Variants in LSS observed in about 807,000 individuals in gnomAD.
LSS encodes the protein lanosterol synthase.
Under a neutral mutation model 110.3 loss-of-function variants are expected in LSS, and 90 were observed. The observed-to-expected ratio is 0.82, with a 90% confidence interval of 0.69 to 0.97. The LOEUF is 0.97. Ranked by LOEUF, LSS falls within the 50% of genes least tolerant of loss-of-function variation. The probability of loss-of-function intolerance (pLI) is 0.00; values close to 1 mark genes in which losing one functional copy is unlikely to be tolerated. For missense variants in LSS, 927 were observed against 990.0 expected, an observed-to-expected ratio of 0.94 and a Z score of 0.85; for synonymous variants, 433 against 400.0, an observed-to-expected ratio of 1.08 and a Z score of -0.98.
At chr21:46,206,570 CT>C (rs939250157) in intron 16 of LSS, 101 bp downstream of exon 16, 72 of 1,001,396 alleles carry the variant, frequency 7.2e-5, no homozygotes, top group Non-Finnish European at 1.1e-4. Flanking sequence ...AACCTGGGCC[CT>C]TGCAGCCTCG....
In LSS at chr21:46,209,301, T is replaced by C. The variant is rs924330675; in HGVS notation, c.1266+253A>G. Among the ~76,000 whole-genome samples the C allele has an allele frequency of 6.6e-6, 1 of 151,776 alleles. No homozygotes were observed. Among genetic ancestry groups the C allele is most frequent in the East Asian group, 1.9e-4 (1 of 5,138 alleles). On this transcript the variant is annotated intron_variant, in intron 13 of 21. Coordinates refer to ENST00000397728, the MANE Select transcript of LSS (RefSeq NM_002340.6). This position sits in a 1 kb window ranked among gnomAD's most constrained non-coding sequence, Gnocchi z 4.4. Reference sequence around the variant, plus strand: ...GCCCTTGCACACAGTGGCTCCAACATGAGCAGGACGCAGAAACTGCCAGCA... The same window carrying C: ...GCCCTTGCACACAGTGGCTCCAACACGAGCAGGACGCAGAAACTGCCAGCA...
rs2079770637 is a variant in LSS at position 46,189,280 on chromosome 21, C to T, written c.*1824G>A. The T allele has an allele frequency of 4.3e-6, 1 of 230,958 alleles. No individual in the cohort carries two copies. The highest frequency in any genetic ancestry group is 2.3e-5 in the African/African-American group (1 of 43,258). The allele number at this position is 230,958 out of a possible 1,614,324, so 14.3% of individuals were successfully genotyped here. On this transcript the variant is annotated 3_prime_UTR_variant, in exon 22 of 22. Coordinates refer to ENST00000397728, the MANE Select transcript of LSS (RefSeq NM_002340.6). ...CTAGGAGTCCCAGGGACAGCAGCCT[C>T]TGCTCAGGGCAGACTCTGTGATTCA... is the stretch of plus-strand genomic sequence containing the variant.
chr21:46,222,239 C>A, intron 4 of LSS: 2 of 547,152 alleles, frequency 3.7e-6, no homozygotes, highest in Non-Finnish European at 3.3e-6. Context: ...ACTTCTAGCT[C>A]AAGGGCGGTC....
chr21:46,208,969 A>T (rs1201360894), intron 13 of LSS, among the ~76,000 whole-genome samples: 2 of 152,172 alleles, frequency 1.3e-5, no homozygotes, highest in Non-Finnish European at 2.9e-5. Flanking sequence ...AGGCAGAGGG[A>T]CACTGGCTGA....
At chr21:46,212,337 A>G (rs535026746) in intron 11 of LSS, among the ~76,000 whole-genome samples, 1 of 152,290 alleles carries the variant, frequency 6.6e-6, no homozygotes, top group African/African-American at 2.4e-5. Flanking sequence ...ACACTGAATC[A>G]GGTGGGGGAC....
chr21:46,206,638 G>A (rs770108204), intron 16 of LSS, 34 bp downstream of exon 16: 1 of 1,573,678 alleles, frequency 6.4e-7, no homozygotes, highest in Non-Finnish European at 8.7e-7. Flanking sequence ...GCCAGCCCCG[G>A]GTTTGCGCGC....
chr21:46,206,066 A>AC (rs2080045298), intron 16 of LSS, 125 bp from the exon 17 acceptor site: 1 of 675,086 alleles, frequency 1.5e-6, no homozygotes, highest in African/African-American at 1.8e-5. Context: ...TGCCTCCCTG[A>AC]CCAACCTCCA....
In LSS at chr21:46,209,470, G is replaced by T; in HGVS notation, c.1266+84C>A. On this transcript the variant is annotated intron_variant, in intron 13 of 21. Transcript: ENST00000397728. The surrounding 1 kb of genome is among the most constrained non-coding windows in gnomAD (Gnocchi z 4.4). The stretch of plus-strand genomic sequence containing the variant: ...GTGCAGGAAATAGGGCAGGGTGGAG[G>T]TGAGGTGGGCACTTCTGCCTGCAGG... 1 of 1,248,604 alleles carries T rather than the reference G, an allele frequency of 8.0e-7. No individual in the cohort carries two copies. Among genetic ancestry groups the T allele is most frequent in the Non-Finnish European group, 1.1e-6 (1 of 890,326 alleles). 77.3% of individuals were successfully genotyped at this position (1,248,604 alleles called of 1,614,324 possible).
Position 46,216,456 on chromosome 21 carries a change from G to C in LSS, c.716C>G (p.Pro239Arg). The C allele has an allele frequency of 1.2e-6, 2 of 1,613,736 alleles. No homozygotes were observed. Among genetic ancestry groups the C allele is most frequent in the Non-Finnish European group, 8.5e-7 (1 of 1,179,972 alleles). Reference sequence around the variant, plus strand: ...CCGAACGGCGTAGCAGTAGCTCATGGGCAGGTACACCTGCCGGCAGTGGCA... The same window carrying C: ...CCGAACGGCGTAGCAGTAGCTCATGCGCAGGTACACCTGCCGGCAGTGGCA... ...LWCHCRQVYL[P>R]MSYCYAVRLS... is the part of the protein sequence containing the mutation. Residue 239 changes from proline (P) to arginine (R), a missense_variant, in exon 7 of 22, where the codon CCC (proline) becomes CGC (arginine). Physicochemically the swap from Pro to Arg is moderately radical, Grantham distance 103 (BLOSUM62 -2). Coordinates refer to ENST00000397728, the MANE Select transcript of LSS (RefSeq NM_002340.6). This position sits in a 1 kb window ranked among gnomAD's most constrained non-coding sequence, Gnocchi z 4.2.
chr21:46,205,800 G>A, intron 17 of LSS, 36 bp downstream of exon 17: 2 of 1,527,104 alleles, frequency 1.3e-6, no homozygotes, highest in Non-Finnish European at 1.8e-6. Context: ...CCCCGACTTG[G>A]CAGCGCCCAC....
At chr21:46,212,992 G>A in intron 11 of LSS, 33 bp downstream of exon 11, 1 of 1,613,538 alleles carries the variant, frequency 6.2e-7, no homozygotes, top group Non-Finnish European at 8.5e-7. Flanking sequence ...TGATTGCAAA[G>A]GAAGCATGCA....
At chr21:46,219,086 C>A (rs2080242226) in intron 6 of LSS, among the ~76,000 whole-genome samples, 1 of 152,174 alleles carries the variant, frequency 6.6e-6, no homozygotes, top group South Asian at 2.1e-4. Flanking sequence ...CACGTCGGGA[C>A]ACACTTCACA....
At chr21:46,222,072 T>G in intron 4 of LSS, 97 bp from the exon 5 acceptor site, 1 of 1,432,628 alleles carries the variant, frequency 7.0e-7, no homozygotes, top group East Asian at 2.3e-5. Flanking sequence ...AAACTAAGAA[T>G]GCTAAAATGC....
chr21:46,223,636 T>C (rs1422263186), intron 3 of LSS, among the ~76,000 whole-genome samples: 1 of 152,204 alleles, frequency 6.6e-6, no homozygotes, highest in Non-Finnish European at 1.5e-5. Flanking sequence ...CATTAATCAT[T>C]AGTTTGTAGT....
At chr21:46,212,453 G>A (rs778521774) in intron 11 of LSS, among the ~76,000 whole-genome samples, 11 of 152,236 alleles carry the variant, frequency 7.2e-5, no homozygotes, top group Non-Finnish European at 1.5e-4. Flanking sequence ...AGCCCAGTCG[G>A]ACAGGACTGC....
At chr21:46,222,920 A>G (rs1601449711) in intron 3 of LSS, among the ~76,000 whole-genome samples, 182 bp from the exon 4 acceptor site, 1 of 152,166 alleles carries the variant, frequency 6.6e-6, no homozygotes, top group Non-Finnish European at 1.5e-5. Flanking sequence ...GCCAGAAGGA[A>G]CGTCAGCCAC....
Position 46,209,476 on chromosome 21 carries a change from T to C in LSS, c.1266+78A>G. ...GAAATAGGGCAGGGTGGAGGTGAGG[T>C]GGGCACTTCTGCCTGCAGGAGCTCC... is the stretch of plus-strand genomic sequence containing the variant. On this transcript the variant is annotated intron_variant, in intron 13 of 21. Coordinates refer to ENST00000397728, the MANE Select transcript of LSS (RefSeq NM_002340.6). This position sits in a 1 kb window ranked among gnomAD's most constrained non-coding sequence, Gnocchi z 4.4. 1 of 1,317,506 alleles carries C rather than the reference T, an allele frequency of 7.6e-7. No homozygotes were observed. The highest frequency in any genetic ancestry group is 1.1e-6 in the Non-Finnish European group (1 of 950,922). 81.6% of individuals were successfully genotyped at this position (1,317,506 alleles called of 1,614,324 possible).
chr21:46,190,351 C>G lies in LSS; in HGVS notation c.*753G>C, dbSNP rs1220006636. On this transcript the variant is annotated 3_prime_UTR_variant, in exon 22 of 22. Transcript: ENST00000397728. This position sits in a 1 kb window ranked among gnomAD's most constrained non-coding sequence, Gnocchi z 4.6. ...ATTCCACGCAGGTGGGTTCATGTCC[C>G]AGGGGCATGGGGCTCCCTGCTGCAC... is the stretch of plus-strand genomic sequence containing the variant. 1 of 154,040 alleles carries G rather than the reference C, an allele frequency of 6.5e-6. No homozygotes were observed. The highest frequency in any genetic ancestry group is 1.4e-5 in the Non-Finnish European group (1 of 69,434). 9.5% of individuals were successfully genotyped at this position (154,040 alleles called of 1,614,324 possible). A position where few individuals can be genotyped will look rare whatever the true frequency, so the allele number is the denominator to read the frequency against.
At chr21:46,206,087 C>A in intron 16 of LSS, 146 bp from the exon 17 acceptor site, 1 of 624,052 alleles carries the variant, frequency 1.6e-6, no homozygotes, top group South Asian at 1.9e-5. Flanking sequence ...GAGCAAACGC[C>A]GGCTGGTCCA....
Sources: allele counts gnomAD v4.1 joint callset (sites outside exome capture counted in the v4.1 genomes callset), GRCh38; gene constraint gnomAD v4.1.1; non-coding constraint Gnocchi (gnomAD v3.1); transcripts MANE v1.5; gene names NCBI Gene and HGNC (gene_info 2026-07-23, HGNC 2026-07-21).